Variants in OPCML observed in about 807,000 individuals in gnomAD.
OPCML encodes the protein opioid binding protein/cell adhesion molecule like, also known as opioid-binding protein/cell adhesion molecule.
In OPCML, 13 loss-of-function variants were observed where a neutral mutation model predicts 37.8. That is an observed-to-expected ratio of 0.34 (90% CI 0.22 to 0.55). The LOEUF is 0.55. OPCML is among the 20% of genes least tolerant of loss of function. OPCML has a pLI of 0.91. For synonymous variants in OPCML, 176 were observed against 168.8 expected (o/e 1.04, Z -0.33); for missense variants, 341 against 435.6 (o/e 0.78, Z 1.93).
intron 2 of OPCML, among the ~76,000 whole-genome samples, chr11:132,802,605 C>G (rs1248435974): frequency 1.4e-5 from 2 of 138,116 alleles, no homozygotes; most frequent in South Asian, 2.3e-4. Context: ...CAAATACCAA[C>G]AGCAGAAATA....
chr11:132,607,585 A>G (rs1052551107), intron 3 of OPCML, among the ~76,000 whole-genome samples: 5 of 152,168 alleles, frequency 3.3e-5, no homozygotes. Flanking sequence ...ACCTAGCCTT[A>G]AACCACCTGC....
At chr11:133,031,327 A>T (rs1947664987) in intron 1 of OPCML, among the ~76,000 whole-genome samples, 1 of 151,448 alleles carries the variant, frequency 6.6e-6, no homozygotes, top group South Asian at 2.1e-4. Context: ...TGGTGAATGG[A>T]TGGATTGATG....
At chr11:132,957,363 G>A (rs78636673) in intron 1 of OPCML, among the ~76,000 whole-genome samples, 13 of 152,112 alleles carry the variant, frequency 8.5e-5, no homozygotes, top group Non-Finnish European at 8.8e-5. Flanking sequence ...GGCATAACAC[G>A]GGAGAGAAGC....
chr11:133,332,815 T>C (rs1943651382), intron 1 of OPCML, among the ~76,000 whole-genome samples: 1 of 152,180 alleles, frequency 6.6e-6, no homozygotes, highest in South Asian at 2.1e-4. Context: ...TACTTGATCA[T>C]GGTGGATTTG....
At chr11:132,627,109 A>G (rs1939795041) in intron 3 of OPCML, among the ~76,000 whole-genome samples, 1 of 152,108 alleles carries the variant, frequency 6.6e-6, no homozygotes, top group Admixed American at 6.6e-5. Context: ...GAGGGAAATG[A>G]TTACTGAATT....
rs148015455 is a variant in OPCML at position 132,709,536 on chromosome 11, T to C, written c.147-52217A>G. 3.8e-3 allele frequency among the ~76,000 whole-genome samples: 582 copies of C among 152,310 alleles called. 1 individual carries two copies. The highest frequency in any genetic ancestry group is 0.013 in the African/African-American group (561 of 41,556). ...TTCCTAAATCTCCTCCAATCTGTAG[T>C]AGTGTCTTGGACTTTCCTAGTCCTT... On this transcript the variant is annotated intron_variant, in intron 2 of 7. Transcript: ENST00000524381.
intron 1 of OPCML, chr11:133,004,867 C>G: frequency 3.0e-6 from 3 of 985,432 alleles, no homozygotes; most frequent in Non-Finnish European, 3.6e-6. Flanking sequence ...CAGAAATCAA[C>G]GAGCTGTGGT....
intron 1 of OPCML, chr11:133,006,995 G>C: frequency 2.0e-6 from 2 of 985,384 alleles, no homozygotes; most frequent in Non-Finnish European, 1.2e-6. Context: ...TCCCTCTAAA[G>C]CAATCATATT....
chr11:132,447,502 G>T (rs867104244), intron 4 of OPCML, among the ~76,000 whole-genome samples: 7 of 151,404 alleles, frequency 4.6e-5, no homozygotes, highest in African/African-American at 1.5e-4. Flanking sequence ...TAGAGACAGG[G>T]TTTCACCATG....
At chr11:133,476,215 C>T (rs1032113649) in intron 1 of OPCML, among the ~76,000 whole-genome samples, 2 of 152,134 alleles carry the variant, frequency 1.3e-5, no homozygotes, top group African/African-American at 4.8e-5. Context: ...ACAGCTACTC[C>T]CTTGATGGAA....
chr11:132,516,279 C>A (rs1419105695), intron 4 of OPCML, among the ~76,000 whole-genome samples: 2 of 152,136 alleles, frequency 1.3e-5, no homozygotes, highest in African/African-American at 4.8e-5. Flanking sequence ...TTCCTGCAGG[C>A]TCCTAATACA....
intron 1 of OPCML, among the ~76,000 whole-genome samples, chr11:133,184,544 T>C (rs1937987786): frequency 6.6e-6 from 1 of 152,148 alleles, no homozygotes; most frequent in African/African-American, 2.4e-5. Context: ...CAGAAACATC[T>C]GTGCCTTAGA....
At chr11:132,782,118 A>T (rs1404860843) in intron 2 of OPCML, among the ~76,000 whole-genome samples, 1 of 151,852 alleles carries the variant, frequency 6.6e-6, no homozygotes, top group Non-Finnish European at 1.5e-5. Flanking sequence ...TTTTTCCCTC[A>T]GAACAGAACC....
rs1945492495 is a variant in OPCML at position 133,404,850 on chromosome 11, T to C, written c.61+127414A>G. Among the ~76,000 whole-genome samples the C allele has an allele frequency of 2.6e-5, 4 of 152,200 alleles. No homozygotes were observed. In the South Asian group the frequency reaches 8.3e-4, roughly 32 times the overall value. ...CAGGCCCTGCTTTGATGAAGTTTAG[T>C]CTAGAGCAGAATAATAAAATACAAA... On this transcript the variant is annotated intron_variant, in intron 1 of 7. Coordinates refer to ENST00000524381, the MANE Select transcript of OPCML (RefSeq NM_001012393.5).
intron 1 of OPCML, among the ~76,000 whole-genome samples, chr11:133,094,251 A>C (rs1591995605): frequency 6.6e-6 from 1 of 152,340 alleles, no homozygotes; most frequent in South Asian, 2.1e-4. Context: ...CAAGAAGGTG[A>C]ATCACAGTAA....
intron 2 of OPCML, among the ~76,000 whole-genome samples, chr11:132,731,863 G>T (rs1945088631): frequency 6.6e-6 from 1 of 152,086 alleles, no homozygotes; most frequent in Non-Finnish European, 1.5e-5. Flanking sequence ...GCAAATAGGT[G>T]TATCAGGATT....
At chr11:132,892,964 C>A (rs925229428) in intron 2 of OPCML, among the ~76,000 whole-genome samples, 65 of 152,236 alleles carry the variant, frequency 4.3e-4, no homozygotes, top group African/African-American at 1.5e-3. Context: ...GTACTACTCT[C>A]CTTCTCACAA....
At chr11:133,170,010 A>G (rs549752049) in intron 1 of OPCML, among the ~76,000 whole-genome samples, 185 of 152,304 alleles carry the variant, frequency 1.2e-3, no homozygotes, top group African/African-American at 4.2e-3. Context: ...AAGTTATAAA[A>G]GGTTGAGAAG....
chr11:133,246,651 T>C (rs1450229068), intron 1 of OPCML, among the ~76,000 whole-genome samples: 1 of 152,224 alleles, frequency 6.6e-6, no homozygotes, highest in Non-Finnish European at 1.5e-5. Context: ...AAGCTCAATG[T>C]GGATGCCATG....
Sources: gnomAD v4.1 joint callset for allele counts (sites outside exome capture counted in the v4.1 genomes callset) on GRCh38, gnomAD v4.1.1 for gene constraint, MANE v1.5 for transcripts, NCBI Gene and HGNC (gene_info 2026-07-23, HGNC 2026-07-21) for gene names.